The following ANO3 variants were observed in gnomAD, a reference collection of about 807,000 sequenced individuals.
The protein encoded by ANO3 is anoctamin 3, also known as anoctamin-3.
Under a neutral mutation model 144.8 loss-of-function variants are expected in ANO3, and 99 were observed. The ratio of observed to expected loss-of-function variants is 0.68; its 90% CI spans 0.58 to 0.81. The LOEUF (loss-of-function observed/expected upper bound fraction) is 0.81. ANO3 is among the 30% of genes least tolerant of loss of function. ANO3 has a pLI of 0.00. For missense variants in ANO3, 905 were observed against 1,202.2 expected, an observed-to-expected ratio of 0.75 and a Z score of 3.66; for synonymous variants, 414 against 392.6, an observed-to-expected ratio of 1.05 and a Z score of -0.64.
At chr11:26,396,996 A>G (rs56929417) in intron 1 of ANO3, among the ~76,000 whole-genome samples, 40,801 of 125,202 alleles carry the variant, frequency 0.33, 8,049 homozygotes, top group African/African-American at 0.46. Context: ...TCTCACAGAA[A>G]AAAAACAAAA....
At chr11:26,262,412 T>C (rs1590221942) in intron 1 of ANO3, among the ~76,000 whole-genome samples, 1 of 152,280 alleles carries the variant, frequency 6.6e-6, no homozygotes, top group Non-Finnish European at 1.5e-5. Context: ...ACTATGCTTG[T>C]CTTCATCAGC....
intron 1 of ANO3, among the ~76,000 whole-genome samples, chr11:26,219,521 T>C (rs1852099969): frequency 6.6e-6 from 1 of 152,228 alleles, no homozygotes; most frequent in Non-Finnish European, 1.5e-5. Context: ...ATTAACCTTT[T>C]CTTCAAGACA....
chr11:26,343,690 G>A (rs1042795120), intron 1 of ANO3, among the ~76,000 whole-genome samples: 5 of 152,220 alleles, frequency 3.3e-5, no homozygotes, highest in African/African-American at 1.2e-4. Flanking sequence ...TAACTGGAGT[G>A]TAGAGTTCAA....
intron 4 of ANO3, among the ~76,000 whole-genome samples, chr11:26,486,013 T>G (rs959386803): frequency 4.6e-5 from 7 of 152,176 alleles, no homozygotes; most frequent in African/African-American, 1.4e-4. Context: ...CCTTGCCTTT[T>G]TAAAAGAAAT....
intron 1 of ANO3, among the ~76,000 whole-genome samples, chr11:26,190,888 A>T (rs890416569): frequency 6.6e-6 from 1 of 152,122 alleles, no homozygotes; most frequent in Non-Finnish European, 1.5e-5. Context: ...TTTTGCTTCC[A>T]TATTTTTCTA....
chr11:26,274,680 A>T (rs1853519074), intron 1 of ANO3, among the ~76,000 whole-genome samples: 1 of 152,154 alleles, frequency 6.6e-6, no homozygotes, highest in Non-Finnish European at 1.5e-5. Context: ...AATGACACAT[A>T]ATGCCATCTG....
intron 8 of ANO3, among the ~76,000 whole-genome samples, chr11:26,533,536 A>T (rs1849427162): frequency 6.6e-6 from 1 of 152,142 alleles, no homozygotes; most frequent in Admixed American, 6.5e-5. Context: ...GAAAATAAGA[A>T]ATTTAATGAT....
intron 1 of ANO3, among the ~76,000 whole-genome samples, chr11:26,236,988 A>G (rs1279996311): frequency 2.0e-5 from 3 of 152,118 alleles, no homozygotes; most frequent in East Asian, 1.9e-4. Context: ...GTAAGTTTCA[A>G]CTATTGAAGA....
intron 4 of ANO3, among the ~76,000 whole-genome samples, chr11:26,465,320 T>A (rs200533108): frequency 2.0e-4 from 21 of 104,850 alleles, no homozygotes; most frequent in South Asian, 9.0e-4. Context: ...AGATAGATAG[T>A]TAAATTATAT....
At chr11:26,397,240 T>C (rs1857039515) in intron 1 of ANO3, among the ~76,000 whole-genome samples, 1 of 152,104 alleles carries the variant, frequency 6.6e-6, no homozygotes. Flanking sequence ...AACCTCAGTG[T>C]TCTCAGTAGT....
intron 24 of ANO3, among the ~76,000 whole-genome samples, chr11:26,650,387 C>T (rs889661653): frequency 2.5e-4 from 38 of 152,168 alleles, no homozygotes; most frequent in Admixed American, 7.9e-4. Flanking sequence ...GTGTTTGAAT[C>T]TAGGTTCCGA....
intron 17 of ANO3, among the ~76,000 whole-genome samples, chr11:26,602,793 T>C (rs1218250992): frequency 6.6e-6 from 1 of 151,870 alleles, no homozygotes; most frequent in Non-Finnish European, 1.5e-5. Flanking sequence ...CTAGAACTTA[T>C]TTCTTCTATC....
chr11:26,560,323 T>G (rs1232278976), intron 14 of ANO3: 1 of 151,994 alleles, frequency 6.6e-6, no homozygotes, highest in Non-Finnish European at 1.5e-5. Flanking sequence ...TCTCATTGAG[T>G]TTTTAAGGCA....
chr11:26,286,144 A>G (rs1403724551), intron 1 of ANO3: 1 of 152,214 alleles, frequency 6.6e-6, no homozygotes, highest in East Asian at 1.9e-4. Context: ...TAAGCAGGTC[A>G]GCATTCTAAA....
chr11:26,530,421 A>G lies in ANO3; in HGVS notation c.738-784A>G. ...TAGAGCCACAAAGCTGTTTGTTTTA[A>G]AAAAAAGCAGGGATTAATATCTATC... On this transcript the variant is annotated intron_variant, in intron 7 of 26. Transcript: ENST00000256737. 4.0e-4 allele frequency among the ~76,000 whole-genome samples: 4 copies of G among 10,008 alleles called. No homozygotes were observed. The South Asian group carries it at 0.011, about 27-fold the overall frequency. The allele number at this position is 10,008 out of a possible 152,430, so 6.6% of individuals were successfully genotyped here.
intron 11 of ANO3, among the ~76,000 whole-genome samples, chr11:26,545,967 A>G (rs1012527754): frequency 2.6e-5 from 4 of 151,912 alleles, no homozygotes; most frequent in African/African-American, 9.7e-5. Flanking sequence ...GCCAAATAAT[A>G]TTGTTGCTTC....
At position 26,663,177 on chromosome 11, in the gene ANO3, G is replaced by T. The variant is rs1426907271; in HGVS notation, c.*2733G>T. On this transcript the variant is annotated 3_prime_UTR_variant, in exon 27 of 27. Transcript: ENST00000256737. ...ATGCTGCTGAGTGACTGCATGATGAGATACAACTTCTGAATGCTGCACATT... is the reference window on the plus strand; with the variant it reads ...ATGCTGCTGAGTGACTGCATGATGATATACAACTTCTGAATGCTGCACATT... The T allele has an allele frequency of 6.6e-6, 1 of 152,012 alleles. No homozygotes were observed. Among genetic ancestry groups the T allele is most frequent in the East Asian group, 1.9e-4 (1 of 5,186 alleles). The allele number at this position is 152,012 out of a possible 1,614,324, so 9.4% of individuals were successfully genotyped here.
intron 4 of ANO3, among the ~76,000 whole-genome samples, chr11:26,504,663 C>A (rs1313678674): frequency 6.6e-6 from 1 of 152,096 alleles, no homozygotes; most frequent in Non-Finnish European, 1.5e-5. Flanking sequence ...TACATTATCT[C>A]ATCTATAATG....
At chr11:26,570,508 G>A (rs1850780897) in intron 14 of ANO3, among the ~76,000 whole-genome samples, 2 of 152,044 alleles carry the variant, frequency 1.3e-5, no homozygotes, top group Admixed American at 6.6e-5. Flanking sequence ...ACCCATATAA[G>A]GGCAAAGAAA....
Sources: allele counts gnomAD v4.1 joint callset (sites outside exome capture counted in the v4.1 genomes callset), GRCh38; gene constraint gnomAD v4.1.1; transcripts MANE v1.5; gene names NCBI Gene and HGNC (gene_info 2026-07-23, HGNC 2026-07-21).